The following SCN1A variants were observed in gnomAD, a reference collection of about 807,000 sequenced individuals.
SCN1A encodes sodium channel protein type 1 subunit alpha.
A neutral mutation model predicts 193.7 loss-of-function variants in SCN1A; 13 were observed. The ratio of observed to expected loss-of-function variants is 0.07; its 90% confidence interval spans 0.04 to 0.11. The LOEUF (loss-of-function observed/expected upper bound fraction) is 0.11. SCN1A is among the 10% of genes least tolerant of loss of function. The pLI, the probability that SCN1A is intolerant of heterozygous loss-of-function variation, is 1.00. For synonymous variants in SCN1A, 781 were observed against 843.6 expected (o/e 0.93, Z 1.29); for missense variants, 1,432 against 2,451.1 (o/e 0.58, Z 8.78).
intron 23 of SCN1A, among the ~76,000 whole-genome samples, chr2:166,006,911 C>T (rs1217900501): frequency 2.0e-5 from 3 of 151,232 alleles, no homozygotes; most frequent in Admixed American, 6.6e-5. Context: ...AATCATTCTA[C>T]ACCAGGGTCC....
intron 16 of SCN1A, among the ~76,000 whole-genome samples, chr2:166,040,193 C>G (rs1696990103): frequency 6.6e-6 from 1 of 152,168 alleles, no homozygotes; most frequent in Non-Finnish European, 1.5e-5. Flanking sequence ...GCTGGGATTA[C>G]AGGCGTGAGC....
chr2:166,011,848 C>A (rs1692506376), intron 22 of SCN1A, among the ~76,000 whole-genome samples: 1 of 151,234 alleles, frequency 6.6e-6, no homozygotes, highest in African/African-American at 2.4e-5. Flanking sequence ...ACTTTCCCTA[C>A]AAACTGCTGA....
intron 23 of SCN1A, among the ~76,000 whole-genome samples, chr2:166,006,952 A>G (rs1039370837): frequency 1.3e-5 from 2 of 151,298 alleles, no homozygotes; most frequent in Non-Finnish European, 3.0e-5. Flanking sequence ...AATCTCCCCA[A>G]AGATGGATAA....
chr2:165,991,002 A>G lies in SCN1A; in HGVS notation c.*243T>C. The stretch of plus-strand genomic sequence containing the variant: ...AGTCTGACTAGCCATTGTGCATCTT[A>G]TCTTCAGCAGTGTCAGCTGGTAGTG... On this transcript the variant is annotated 3_prime_UTR_variant, in exon 29 of 29. Transcript: ENST00000674923. The G allele has an allele frequency of 2.0e-6, 1 of 497,584 alleles. No individual in the cohort carries two copies. Among genetic ancestry groups the G allele is most frequent in the Non-Finnish European group, 3.6e-6 (1 of 278,912 alleles). The allele number at this position is 497,584 out of a possible 1,614,324, so 30.8% of individuals were successfully genotyped here.
Position 165,992,623 on chromosome 2 carries a change from A to G in SCN1A, c.4853-201T>C, listed in dbSNP as rs932008588. The G allele has an allele frequency of 1.5e-5, 4 of 269,052 alleles. No homozygotes were observed. Among genetic ancestry groups the G allele is most frequent in the African/African-American group, 9.2e-5 (4 of 43,698 alleles). The allele number at this position is 269,052 out of a possible 1,614,324, so 16.7% of individuals were successfully genotyped here. A position where few individuals can be genotyped will look rare whatever the true frequency, so the allele number is the denominator to read the frequency against. ...GAAATTCAGCAATAATTTCAATTAT[A>G]AGGATTATAGTACTTTTTTTTATCT... On this transcript the variant is annotated intron_variant, in intron 28 of 28. Transcript: ENST00000674923. The surrounding 1 kb of genome is among the most constrained non-coding windows in gnomAD (Gnocchi z 6.5).
At chr2:166,125,188 C>T (rs1484616685) in intron 2 of SCN1A, among the ~76,000 whole-genome samples, 2 of 152,298 alleles carry the variant, frequency 1.3e-5, no homozygotes, top group Non-Finnish European at 2.9e-5. Context: ...GATAACCTCA[C>T]GGAGCACAGC....
intron 3 of SCN1A, 47 bp from the exon 4 acceptor site, chr2:166,073,717 G>A (rs1180684587): frequency 1.6e-6 from 2 of 1,288,740 alleles, no homozygotes; most frequent in East Asian, 2.4e-5. Flanking sequence ...ACTAAGAGAT[G>A]TTAATATAAA....
intron 21 of SCN1A, among the ~76,000 whole-genome samples, chr2:166,012,930 C>T (rs1227271034): frequency 1.3e-5 from 2 of 150,974 alleles, no homozygotes; most frequent in Admixed American, 6.6e-5. Context: ...TCTAAAGTAG[C>T]GTGTAGAAAA....
At position 165,989,224 on chromosome 2, in the gene SCN1A, A is replaced by G. The variant is rs1473866153; in HGVS notation, c.*2021T>C. On this transcript the variant is annotated 3_prime_UTR_variant, in exon 29 of 29. Transcript: ENST00000674923. ...TAAATGTTGGTTAGCATTATTTAGCATAATAGTAGCATTTTCCAGCATGCA... is the reference window on the plus strand; with the variant it reads ...TAAATGTTGGTTAGCATTATTTAGCGTAATAGTAGCATTTTCCAGCATGCA... 6.6e-6 allele frequency: 1 copy of G among 152,566 alleles called. No individual in the cohort carries two copies. Among genetic ancestry groups the G allele is most frequent in the Non-Finnish European group, 1.5e-5 (1 of 68,032 alleles). The allele number at this position is 152,566 out of a possible 1,614,324, so 9.5% of individuals were successfully genotyped here.
At chr2:166,086,112 T>C (rs1346847698) in intron 2 of SCN1A, among the ~76,000 whole-genome samples, 1 of 152,184 alleles carries the variant, frequency 6.6e-6, no homozygotes, top group Non-Finnish European at 1.5e-5. Flanking sequence ...AGAGTAACCT[T>C]GAAGACTGAA....
chr2:166,019,341 A>G (rs909774753), intron 19 of SCN1A, among the ~76,000 whole-genome samples: 2 of 152,190 alleles, frequency 1.3e-5, no homozygotes, highest in African/African-American at 4.8e-5. Flanking sequence ...AACATTTTTT[A>G]AGCAATATAA....
At chr2:166,036,597 T>G (rs1296638572) in intron 18 of SCN1A, 67 bp from the exon 19 acceptor site, 1 of 1,509,870 alleles carries the variant, frequency 6.6e-7, no homozygotes, top group Admixed American at 1.8e-5. Flanking sequence ...TACAATCACT[T>G]ATTCTTTCTT....
rs549933502 is a variant in SCN1A at position 166,088,615 on chromosome 2, G to A, written c.-141-10814C>T. 1.1e-4 allele frequency among the ~76,000 whole-genome samples: 17 copies of A among 152,228 alleles called. No homozygotes were observed. In the South Asian group the frequency reaches 3.5e-3, roughly 32 times the overall value. ...AATACTATTATTACAGTCAGCTAAA[G>A]CCTATGCTCAAATTATATTTTCTTT... is the stretch of plus-strand genomic sequence containing the variant. On this transcript the variant is annotated intron_variant, in intron 2 of 28. Coordinates refer to ENST00000674923, the MANE Select transcript of SCN1A (RefSeq NM_001165963.4).
chr2:165,989,675 T>A lies in SCN1A; in HGVS notation c.*1570A>T, dbSNP rs1688877936. 1 of 152,634 alleles carries A rather than the reference T, an allele frequency of 6.6e-6. No homozygotes were observed. Among genetic ancestry groups the A allele is most frequent in the East Asian group, 1.9e-4 (1 of 5,190 alleles). The allele number at this position is 152,634 out of a possible 1,614,324, so 9.5% of individuals were successfully genotyped here. A position where few individuals can be genotyped will look rare whatever the true frequency, so the allele number is the denominator to read the frequency against. ...CTACAACTACCCAGTCTTGTTTTCA[T>A]GTCTTATTTAGCAAATTTCTTTCAT... On this transcript the variant is annotated 3_prime_UTR_variant, in exon 29 of 29. Transcript: ENST00000674923.
intron 15 of SCN1A, 23 bp from the exon 16 acceptor site, chr2:166,041,492 AAG>A (rs1553543458): frequency 1.2e-5 from 17 of 1,413,950 alleles, no homozygotes; most frequent in Middle Eastern, 1.9e-4. Context: ...AAAAAAAAAA[AAG>A]AACCACCAAA....
At chr2:166,060,535 T>C (rs1338546290) in intron 4 of SCN1A, 1 of 152,100 alleles carries the variant, frequency 6.6e-6, no homozygotes, top group Non-Finnish European at 1.5e-5. Flanking sequence ...TCCCCCCAGA[T>C]ATGCTGAGTA....
chr2:165,996,205 A>G, intron 26 of SCN1A, 88 bp from the exon 27 acceptor site: 1 of 804,416 alleles, frequency 1.2e-6, no homozygotes, highest in African/African-American at 1.7e-5. Context: ...TGGCTAAAAA[A>G]AGAAATACAA....
At chr2:166,086,586 A>G (rs1574430317) in intron 2 of SCN1A, among the ~76,000 whole-genome samples, 1 of 152,182 alleles carries the variant, frequency 6.6e-6, no homozygotes, top group East Asian at 1.9e-4. Context: ...CCTCCCTTGA[A>G]GTGTCTGTTT....
At chr2:165,997,175 A>G (rs751782112) in intron 26 of SCN1A, among the ~76,000 whole-genome samples, 33 of 151,166 alleles carry the variant, frequency 2.2e-4, no homozygotes, top group Non-Finnish European at 2.7e-4. Context: ...TTTTTTGTAC[A>G]AAACTTTCAA....
Sources: allele counts gnomAD v4.1 joint callset (sites outside exome capture counted in the v4.1 genomes callset), GRCh38; gene constraint gnomAD v4.1.1; non-coding constraint Gnocchi (gnomAD v3.1); transcripts MANE v1.5; gene names NCBI Gene and HGNC (gene_info 2026-07-23, HGNC 2026-07-21).